The following NFIX variants were observed in gnomAD, a reference collection of about 807,000 sequenced individuals.
The protein encoded by NFIX is nuclear factor 1 X-type.
NFIX carries 2 observed loss-of-function variants against 53.3 expected under a neutral mutation model. The ratio of observed to expected loss-of-function variants is 0.04; its 90% CI spans 0.02 to 0.12. The LOEUF (loss-of-function observed/expected upper bound fraction) is 0.12, where lower values mean the gene tolerates loss of function less well. Ranked by LOEUF, NFIX falls within the 10% of genes least tolerant of loss-of-function variation. The pLI, the probability that NFIX is intolerant of heterozygous loss-of-function variation, is 1.00. For synonymous variants in NFIX, 244 were observed against 289.0 expected, an observed-to-expected ratio of 0.84 and a Z score of 1.58; for missense variants, 310 against 674.5, an observed-to-expected ratio of 0.46 and a Z score of 5.99.
rs2015357754 is a variant in NFIX at position 13,051,972 on chromosome 19, C to T, written c.560-21075C>T. Among the ~76,000 whole-genome samples the T allele has an allele frequency of 6.6e-6, 1 of 152,190 alleles. No homozygotes were observed. Among genetic ancestry groups the T allele is most frequent in the Non-Finnish European group, 1.5e-5 (1 of 68,034 alleles). ...GCTTCATGCTCTCCAGGTTTCTCCA[C>T]TTCCTTTGCAGACCTCCCTCCTGCC... is the stretch of plus-strand genomic sequence containing the variant. On this transcript the variant is annotated intron_variant, in intron 2 of 10. Coordinates refer to ENST00000592199, the MANE Select transcript of NFIX (RefSeq NM_001365902.3). The surrounding 1 kb of genome is among the most constrained non-coding windows in gnomAD (Gnocchi z 5.1).
Position 13,036,551 on chromosome 19 carries a change from C to T in NFIX, c.559+10999C>T, listed in dbSNP as rs2014204277. 2.0e-5 allele frequency among the ~76,000 whole-genome samples: 3 copies of T among 152,054 alleles called. No homozygotes were observed. ...GTGGACTGGGCGGAGCTGTGTGGAG[C>T]GATCGGGAGATCCCCGGAGGCGACC... On this transcript the variant is annotated intron_variant, in intron 2 of 10. Coordinates refer to ENST00000592199, the MANE Select transcript of NFIX (RefSeq NM_001365902.3). This position sits in a 1 kb window ranked among gnomAD's most constrained non-coding sequence, Gnocchi z 4.7.
intron 8 of NFIX, among the ~76,000 whole-genome samples, chr19:13,085,338 C>A (rs750334902): frequency 6.6e-6 from 1 of 152,170 alleles, no homozygotes; most frequent in Non-Finnish European, 1.5e-5. Context: ...AGATACTCCT[C>A]GGGGAGACAG....
intron 1 of NFIX, among the ~76,000 whole-genome samples, chr19:12,999,725 C>T (rs2011608284): frequency 6.6e-6 from 1 of 152,224 alleles, no homozygotes; most frequent in Non-Finnish European, 1.5e-5. Flanking sequence ...CCCAACACTC[C>T]TTCCATGGGA....
chr19:13,010,188 G>T (rs2012254684), intron 1 of NFIX, among the ~76,000 whole-genome samples: 1 of 152,182 alleles, frequency 6.6e-6, no homozygotes, highest in African/African-American at 2.4e-5. Context: ...TCCCGCCTTG[G>T]CCTGCCGGGC....
At chr19:12,997,853 C>T (rs1027149167) in intron 1 of NFIX, among the ~76,000 whole-genome samples, 4 of 152,158 alleles carry the variant, frequency 2.6e-5, no homozygotes, top group Admixed American at 1.3e-4. Context: ...GGGCGATGGC[C>T]GGTGCTTGGC....
At chr19:13,057,538 G>T (rs1397158230) in intron 2 of NFIX, among the ~76,000 whole-genome samples, 1 of 152,066 alleles carries the variant, frequency 6.6e-6, no homozygotes, top group African/African-American at 2.4e-5. Flanking sequence ...GCTCCCCAGG[G>T]CCCCGGGCCC....
At chr19:12,999,147 G>A (rs1169058097) in intron 1 of NFIX, among the ~76,000 whole-genome samples, 2 of 151,848 alleles carry the variant, frequency 1.3e-5, no homozygotes, top group Non-Finnish European at 2.9e-5. Flanking sequence ...GGCTCGCTCA[G>A]GTGTGTACAC....
In NFIX at chr19:13,073,951, T is replaced by C; in HGVS notation, c.743T>C (p.Leu248Pro). Residue 248 changes from leucine (L) to proline (P), a missense_variant, in exon 5 of 11, where the codon CTG becomes CCG. Physicochemically the swap from Leu to Pro is moderately conservative, Grantham distance 98. Transcript: ENST00000592199. This position sits in a 1 kb window ranked among gnomAD's most constrained non-coding sequence, Gnocchi z 4.5. Reference sequence around the variant, plus strand: ...GGGCCCAACTTCTCCCTGGCGGACCTGGAGAGTCCCAGCTACTACAACATC... The same window carrying C: ...GGGCCCAACTTCTCCCTGGCGGACCCGGAGAGTCCCAGCTACTACAACATC... ...ASGPNFSLAD[L>P]ESPSYYNINQ... The C allele has an allele frequency of 6.2e-7, 1 of 1,613,968 alleles. No individual in the cohort carries two copies. Among genetic ancestry groups the C allele is most frequent in the Non-Finnish European group, 8.5e-7 (1 of 1,179,874 alleles).
In NFIX at chr19:13,073,078, A is replaced by G; in HGVS notation, c.591A>G (p.Gln197=). 6.2e-7 allele frequency: 1 copy of G among 1,614,014 alleles called. No homozygotes were observed. The highest frequency in any genetic ancestry group is 8.5e-7 in the Non-Finnish European group (1 of 1,179,888). The change falls in exon 3 of 11, where the codon CAA becomes CAG. Residue 197 remains glutamine (Q), a synonymous_variant. Coordinates refer to ENST00000592199, the MANE Select transcript of NFIX (RefSeq NM_001365902.3). This position sits in a 1 kb window ranked among gnomAD's most constrained non-coding sequence, Gnocchi z 4.5. ...GACAATCAGATAGTTCAAACCAGCA[A>G]GGAGATGCGGACATCAAACCACTGC... The part of the protein sequence containing the change: ...ESGQSDSSNQ[Q]GDADIKPLPN...
chr19:13,055,150 A>G (rs985723902), intron 2 of NFIX, among the ~76,000 whole-genome samples: 1 of 150,936 alleles, frequency 6.6e-6, no homozygotes, highest in African/African-American at 2.4e-5. Context: ...TGTCACCCCA[A>G]GAAAGCTGGA....
At chr19:13,003,162 G>A (rs545316222) in intron 1 of NFIX, among the ~76,000 whole-genome samples, 53 of 152,030 alleles carry the variant, frequency 3.5e-4, no homozygotes, top group Non-Finnish European at 5.0e-4. Flanking sequence ...TGGCACATGC[G>A]GGCACAAAGA....
At chr19:13,000,944 G>A (rs1393628587) in intron 1 of NFIX, among the ~76,000 whole-genome samples, 1 of 152,178 alleles carries the variant, frequency 6.6e-6, no homozygotes, top group Admixed American at 6.5e-5. Flanking sequence ...AACCCACAGG[G>A]AGCCTGGCCT....
At chr19:13,077,784 CT>C (rs1446323840) in intron 6 of NFIX, among the ~76,000 whole-genome samples, 1 of 152,224 alleles carries the variant, frequency 6.6e-6, no homozygotes, top group Non-Finnish European at 1.5e-5. Flanking sequence ...ACCTGGCCCC[CT>C]GGGGGCCCTG....
intron 2 of NFIX, among the ~76,000 whole-genome samples, chr19:13,059,131 C>T (rs1169466038): frequency 6.6e-6 from 1 of 152,214 alleles, no homozygotes. Flanking sequence ...CACACATAGA[C>T]AAATCTGGGA....
chr19:13,024,027 G>GATCA (rs1479292879), intron 1 of NFIX: 1 of 1,419,514 alleles, frequency 7.0e-7, no homozygotes, highest in Admixed American at 2.2e-5. Context: ...GGGTGCTTCA[G>GATCA]ATCAATGGTA....
At position 13,073,789 on chromosome 19, in the gene NFIX, C is replaced by T. The variant is rs1328896320; in HGVS notation, c.698-117C>T. The T allele has an allele frequency of 7.1e-7, 1 of 1,402,876 alleles. No homozygotes were observed. The highest frequency in any genetic ancestry group is 1.8e-4 in the Middle Eastern group (1 of 5,638). 86.9% of individuals were successfully genotyped at this position (1,402,876 alleles called of 1,614,324 possible). The stretch of plus-strand genomic sequence containing the variant: ...GCCCAGATGGCCCACTTTCTCCCAT[C>T]TCCTGGCCCCACAGTAAACTCACCC... On this transcript the variant is annotated intron_variant, in intron 4 of 10. Coordinates refer to ENST00000592199, the MANE Select transcript of NFIX (RefSeq NM_001365902.3). This position sits in a 1 kb window ranked among gnomAD's most constrained non-coding sequence, Gnocchi z 4.5.
In NFIX at chr19:13,078,845, T is replaced by A; in HGVS notation, c.1078+110T>A. On this transcript the variant is annotated intron_variant, in intron 7 of 10. Coordinates refer to ENST00000592199, the MANE Select transcript of NFIX (RefSeq NM_001365902.3). This position sits in a 1 kb window ranked among gnomAD's most constrained non-coding sequence, Gnocchi z 4.7. ...CTGACCCCGAGTGACAGCCCCACGCTCTCCAAGTGGGCCAAGGTGCAGCAG... is the reference window on the plus strand; with the variant it reads ...CTGACCCCGAGTGACAGCCCCACGCACTCCAAGTGGGCCAAGGTGCAGCAG... The A allele has an allele frequency of 7.8e-7, 1 of 1,287,222 alleles. No individual in the cohort carries two copies. The highest frequency in any genetic ancestry group is 1.0e-6 in the Non-Finnish European group (1 of 957,260). 79.7% of individuals were successfully genotyped at this position (1,287,222 alleles called of 1,614,324 possible). A position where few individuals can be genotyped will look rare whatever the true frequency, so the allele number is the denominator to read the frequency against.
intron 2 of NFIX, among the ~76,000 whole-genome samples, chr19:13,062,550 T>C (rs1263106546): frequency 6.6e-6 from 1 of 152,226 alleles, no homozygotes; most frequent in Non-Finnish European, 1.5e-5. Context: ...CAGGACCTCC[T>C]GGCCTGAGTG....
rs999010609 is a variant in NFIX, at chr19:13,090,097, G to C, written c.1403-202G>C. Among the ~76,000 whole-genome samples the C allele has an allele frequency of 6.6e-6, 1 of 152,170 alleles. No individual in the cohort carries two copies. The highest frequency in any genetic ancestry group is 1.5e-5 in the Non-Finnish European group (1 of 68,020). On this transcript the variant is annotated intron_variant, in intron 9 of 10. Coordinates refer to ENST00000592199, the MANE Select transcript of NFIX (RefSeq NM_001365902.3). This position sits in a 1 kb window ranked among gnomAD's most constrained non-coding sequence, Gnocchi z 6.6. ...GTTCCTGGTCAGTGAGAGGATGAGGGTGTCCCTCTGTAGTGGGGGGCAGGC... is the reference window on the plus strand; with the variant it reads ...GTTCCTGGTCAGTGAGAGGATGAGGCTGTCCCTCTGTAGTGGGGGGCAGGC...
Sources: gnomAD v4.1 joint callset for allele counts (sites outside exome capture counted in the v4.1 genomes callset) on GRCh38, gnomAD v4.1.1 for gene constraint, Gnocchi (gnomAD v3.1) non-coding constraint, MANE v1.5 for transcripts, NCBI Gene and HGNC (gene_info 2026-07-23, HGNC 2026-07-21) for gene names.